SRGAP3: variants seen among roughly 807,000 people sequenced by gnomAD.
SRGAP3 encodes SLIT-ROBO Rho GTPase activating protein 3.
Under a neutral mutation model 121.1 loss-of-function variants are expected in SRGAP3, and 39 were observed. The observed-to-expected ratio is 0.32, with a 90% CI of 0.25 to 0.42. The LOEUF (loss-of-function observed/expected upper bound fraction) is 0.42. Among genes scored for constraint, SRGAP3 ranks in the 10% least tolerant of loss-of-function variants. The probability of loss-of-function intolerance (pLI) is 1.00; values close to 1 mark genes in which losing one functional copy is unlikely to be tolerated. For synonymous variants in SRGAP3, 601 were observed against 570.0 expected (o/e 1.05, Z -0.77); for missense variants, 1,213 against 1,470.6 (o/e 0.82, Z 2.86).
At chr3:9,039,610 A>C (rs1574959368) in intron 10 of SRGAP3, among the ~76,000 whole-genome samples, 1 of 152,302 alleles carries the variant, frequency 6.6e-6, no homozygotes, top group East Asian at 1.9e-4. Context: ...ATCCCCAGAA[A>C]AAGATCTTTC....
chr3:9,135,348 C>G (rs893482773), intron 1 of SRGAP3, among the ~76,000 whole-genome samples: 28 of 152,334 alleles, frequency 1.8e-4, no homozygotes, highest in African/African-American at 6.5e-4. Flanking sequence ...AATTTGCGCA[C>G]GACCTCTCCA....
At position 9,115,429 on chromosome 3, in the gene SRGAP3, T is replaced by C. The variant is rs145479172; in HGVS notation, c.260+9296A>G. On this transcript the variant is annotated intron_variant, in intron 2 of 21. Transcript: ENST00000383836. ...AAATTAAATGATAGAAATGTATATATGCATATCAAAGTATATGCATGCATA... is the reference window on the plus strand; with the variant it reads ...AAATTAAATGATAGAAATGTATATACGCATATCAAAGTATATGCATGCATA... 6.9e-3 allele frequency among the ~76,000 whole-genome samples: 1,052 copies of C among 152,360 alleles called. 6 individuals are homozygous for C. Among genetic ancestry groups the C allele is most frequent in the African/African-American group, 0.02 (846 of 41,588 alleles).
Position 9,169,348 on chromosome 3 carries a change from C to T in SRGAP3, c.68-44431G>A, listed in dbSNP as rs1245480410. Among the ~76,000 whole-genome samples the T allele has an allele frequency of 2.0e-5, 3 of 152,112 alleles. No individual in the cohort carries two copies. In the East Asian group the frequency reaches 5.8e-4, roughly 29 times the overall value. ...GAGGCAGATTGTAAAAACATTATATCTGTTTATGTCCAGGGTTGGAGGTGG... is the reference window on the plus strand; with the variant it reads ...GAGGCAGATTGTAAAAACATTATATTTGTTTATGTCCAGGGTTGGAGGTGG... On this transcript the variant is annotated intron_variant, in intron 1 of 21. Transcript: ENST00000383836.
At chr3:9,012,008 T>C (rs1259754347) in intron 17 of SRGAP3, among the ~76,000 whole-genome samples, 1 of 152,160 alleles carries the variant, frequency 6.6e-6, no homozygotes, top group African/African-American at 2.4e-5. Context: ...GCAAAAACTG[T>C]GTGAAAATTC....
chr3:9,160,017 G>C (rs1272164709), intron 1 of SRGAP3, among the ~76,000 whole-genome samples: 2 of 152,186 alleles, frequency 1.3e-5, no homozygotes, highest in East Asian at 3.9e-4. Flanking sequence ...GGCCCTGTCA[G>C]ATCAGGTAGT....
At chr3:9,286,959 C>T (rs547267409) in intron 3 of SRGAP3, among the ~76,000 whole-genome samples, 2 of 138,424 alleles carry the variant, frequency 1.4e-5, no homozygotes, top group South Asian at 2.4e-4. Flanking sequence ...AGGTAATACT[C>T]GTTTGCCTTG....
At chr3:9,015,787 G>A (rs938408427) in intron 14 of SRGAP3, 56 bp from the exon 15 acceptor site, 141 of 1,608,730 alleles carry the variant, frequency 8.8e-5, no homozygotes, top group Non-Finnish European at 1.1e-4. Context: ...GTCAGAGAAC[G>A]TGCAGATGGC....
intron 3 of SRGAP3, among the ~76,000 whole-genome samples, chr3:9,321,218 T>G (rs1559276227): frequency 6.6e-6 from 1 of 151,804 alleles, no homozygotes; most frequent in Non-Finnish European, 1.5e-5. Flanking sequence ...TGGACAAGCC[T>G]TCAGAGGACT....
chr3:9,272,805 TA>T (rs992242945), intron 3 of SRGAP3, among the ~76,000 whole-genome samples: 6 of 79,372 alleles, frequency 7.6e-5, no homozygotes, highest in East Asian at 4.1e-4. Context: ...TAATTCTGTT[TA>T]TTTTTTTTTT....
rs1941567600 is a variant in SRGAP3 at position 8,984,309 on chromosome 3, T to C, written c.*1210A>G. 4.3e-6 allele frequency: 1 copy of C among 229,932 alleles called. No homozygotes were observed. The highest frequency in any genetic ancestry group is 8.6e-6 in the Non-Finnish European group (1 of 116,018). The allele number at this position is 229,932 out of a possible 1,614,324, so 14.2% of individuals were successfully genotyped here. A position where few individuals can be genotyped will look rare whatever the true frequency, so the allele number is the denominator to read the frequency against. On this transcript the variant is annotated 3_prime_UTR_variant, in exon 22 of 22. Coordinates refer to ENST00000383836, the MANE Select transcript of SRGAP3 (RefSeq NM_014850.4). Reference sequence around the variant, plus strand: ...GTCTGAACTGGGCGCTCACGGCTCATGCGTTTCATGCAAGACGGCACCAGC... The same window carrying C: ...GTCTGAACTGGGCGCTCACGGCTCACGCGTTTCATGCAAGACGGCACCAGC...
chr3:9,353,041 T>C (rs1263068329), intron 1 of SRGAP3, among the ~76,000 whole-genome samples: 1 of 152,176 alleles, frequency 6.6e-6, no homozygotes, highest in Non-Finnish European at 1.5e-5. Flanking sequence ...ATCTTGCTGG[T>C]GATTCTGCTT....
intron 12 of SRGAP3, among the ~76,000 whole-genome samples, chr3:9,029,615 T>G (rs1944379125): frequency 6.6e-6 from 1 of 152,232 alleles, no homozygotes; most frequent in Admixed American, 6.5e-5. Flanking sequence ...TGGGGACTCT[T>G]AGTTCAATGT....
At chr3:9,074,854 T>C (rs1342697766) in intron 4 of SRGAP3, among the ~76,000 whole-genome samples, 1 of 152,174 alleles carries the variant, frequency 6.6e-6, no homozygotes, top group Non-Finnish European at 1.5e-5. Context: ...GACCAGCTGC[T>C]ACTGGGTATG....
chr3:9,274,781 T>A (rs1251946254), intron 3 of SRGAP3, among the ~76,000 whole-genome samples: 1 of 152,196 alleles, frequency 6.6e-6, no homozygotes, highest in Non-Finnish European at 1.5e-5. Flanking sequence ...TCCCCTGAAA[T>A]CTGGCCATTC....
upstream of SRGAP3, among the ~76,000 whole-genome samples, chr3:9,254,482 A>G (rs1954082913): frequency 6.6e-6 from 1 of 152,184 alleles, no homozygotes; most frequent in African/African-American, 2.4e-5. Flanking sequence ...GGAAGTACCA[A>G]GTTTCTTTGG....
chr3:9,338,982 C>A (rs960569565), intron 1 of SRGAP3, among the ~76,000 whole-genome samples: 4 of 152,176 alleles, frequency 2.6e-5, no homozygotes, highest in Admixed American at 2.6e-4. Context: ...CTAGTACTTA[C>A]GAAAATATGT....
intron 1 of SRGAP3, among the ~76,000 whole-genome samples, chr3:9,336,171 T>A (rs982335353): frequency 2.6e-5 from 4 of 152,092 alleles, no homozygotes; most frequent in African/African-American, 9.7e-5. Context: ...AATTCAATGC[T>A]TTTCAGAACT....
Position 9,227,775 on chromosome 3 carries a change from T to C in SRGAP3, c.67+21110A>G, listed in dbSNP as rs200733906. Reference sequence around the variant, plus strand: ...TCTTCAGTGGCCTCTAGCACCTGAATGCCCCTCCCTCATTCCCCTCAGGGG... The same window carrying C: ...TCTTCAGTGGCCTCTAGCACCTGAACGCCCCTCCCTCATTCCCCTCAGGGG... On this transcript the variant is annotated intron_variant, in intron 1 of 21. Coordinates refer to ENST00000383836, the MANE Select transcript of SRGAP3 (RefSeq NM_014850.4). 2.6e-5 allele frequency among the ~76,000 whole-genome samples: 4 copies of C among 152,370 alleles called. No individual in the cohort carries two copies. In the East Asian group the frequency reaches 7.7e-4, roughly 29 times the overall value.
intron 1 of SRGAP3, among the ~76,000 whole-genome samples, chr3:9,170,103 C>T (rs1410206943): frequency 6.6e-6 from 1 of 152,132 alleles, no homozygotes; most frequent in African/African-American, 2.4e-5. Context: ...CCACAGGAAG[C>T]ACAGATGAAA....
Sources: allele counts gnomAD v4.1 joint callset (sites outside exome capture counted in the v4.1 genomes callset), GRCh38; gene constraint gnomAD v4.1.1; transcripts MANE v1.5; gene names NCBI Gene and HGNC (gene_info 2026-07-23, HGNC 2026-07-21).